FBLN7: variants seen among roughly 807,000 people sequenced by gnomAD.
The protein encoded by FBLN7 is fibulin-7.
A neutral mutation model predicts 44.0 loss-of-function variants in FBLN7; 31 were observed. That is an observed-to-expected ratio of 0.70 (90% CI 0.53 to 0.95). FBLN7 has a LOEUF of 0.95. FBLN7 is among the 40% of genes least tolerant of loss of function. FBLN7 has a pLI of 0.00. For missense variants in FBLN7, 573 were observed against 618.5 expected (o/e 0.93, Z 0.78); for synonymous variants, 262 against 253.4 (o/e 1.03, Z -0.32).
the FBLN7 span, among the ~76,000 whole-genome samples, chr2:112,232,248 G>A: frequency 3.8e-4 from 58 of 151,184 alleles, no homozygotes; most frequent in African/African-American, 1.3e-3. Flanking sequence ...CCTGGGAGGC[G>A]GAGGTTGCAG....
the FBLN7 span, among the ~76,000 whole-genome samples, chr2:112,237,451 C>T: frequency 2.0e-5 from 3 of 152,138 alleles, no homozygotes; most frequent in Non-Finnish European, 2.9e-5. Context: ...TATCCGTGCA[C>T]GCATTTATCC....
At chr2:112,199,506 C>T in the FBLN7 span, among the ~76,000 whole-genome samples, 1 of 152,182 alleles carries the variant, frequency 6.6e-6, no homozygotes, top group African/African-American at 2.4e-5. Context: ...CCCACTCACT[C>T]ACACAGCCAG....
intron 3 of FBLN7, among the ~76,000 whole-genome samples, chr2:112,165,950 A>G (rs1256011358): frequency 6.6e-6 from 1 of 152,278 alleles, no homozygotes; most frequent in East Asian, 1.9e-4. Flanking sequence ...ACATCTGCTG[A>G]GGCAGAATGT....
intron 1 of FBLN7, among the ~76,000 whole-genome samples, chr2:112,158,139 C>T (rs1261451145): frequency 2.6e-5 from 4 of 152,070 alleles, no homozygotes; most frequent in East Asian, 1.9e-4. Context: ...CCTTGTGATC[C>T]GCCCGCCTCG....
At chr2:112,168,367 T>C (rs1302272662) in intron 3 of FBLN7, among the ~76,000 whole-genome samples, 1 of 152,084 alleles carries the variant, frequency 6.6e-6, no homozygotes, top group African/African-American at 2.4e-5. Context: ...TAGATGGAGA[T>C]TTTTCTTCTC....
chr2:112,229,889 AG>A, the FBLN7 span, among the ~76,000 whole-genome samples: 1 of 152,178 alleles, frequency 6.6e-6, no homozygotes, highest in Admixed American at 6.5e-5. Context: ...ACACAAAAGT[AG>A]GCATAAACAA....
At chr2:112,181,910 G>A in intron 5 of FBLN7, 34 bp downstream of exon 5, 1 of 1,525,720 alleles carries the variant, frequency 6.6e-7, no homozygotes, top group Non-Finnish European at 8.8e-7. Context: ...ACTGGGGACA[G>A]CACGGGGAGG....
At chr2:112,237,426 TTTTA>T in the FBLN7 span, among the ~76,000 whole-genome samples, 2 of 152,156 alleles carry the variant, frequency 1.3e-5, no homozygotes, top group Non-Finnish European at 2.9e-5. Context: ...TAGATCAAGT[TTTTA>T]TTTATTTATC....
the FBLN7 span, chr2:112,230,735 G>A: frequency 2.6e-5 from 8 of 307,906 alleles, no homozygotes; most frequent in South Asian, 1.4e-4. Flanking sequence ...GAAGCAGGCT[G>A]ATGTAGATCC....
rs372228227 is a variant in FBLN7 at position 112,156,911 on chromosome 2, C to T, written c.76-2765C>T. 7.2e-4 allele frequency among the ~76,000 whole-genome samples: 110 copies of T among 152,188 alleles called. 1 individual carries two copies. Among genetic ancestry groups the T allele is most frequent in the African/African-American group, 2.6e-3 (107 of 41,530 alleles). On this transcript the variant is annotated intron_variant, in intron 1 of 7. Coordinates refer to ENST00000331203, the MANE Select transcript of FBLN7 (RefSeq NM_153214.3). ...AGCGGCAGTGGCTCCATTCCCACCGCGGTGGTGGTGGTGGTTGTGGTTGTG... is the reference window on the plus strand; with the variant it reads ...AGCGGCAGTGGCTCCATTCCCACCGTGGTGGTGGTGGTGGTTGTGGTTGTG...
At position 112,138,619 on chromosome 2, in the gene FBLN7, A is replaced by G. The variant is rs772680211; in HGVS notation, c.-37A>G. The G allele has an allele frequency of 1.2e-6, 2 of 1,608,902 alleles. No individual in the cohort carries two copies. The highest frequency in any genetic ancestry group is 1.7e-5 in the Admixed American group (1 of 59,838). On this transcript the variant is annotated 5_prime_UTR_variant, in exon 1 of 8. Coordinates refer to ENST00000331203, the MANE Select transcript of FBLN7 (RefSeq NM_153214.3). ...CAAACTCGGCAGCGGAGGCAAAGTT[A>G]TTTCCCCTCCCAGGCAGCGGGATTC...
At chr2:112,157,251 T>A (rs1681478861) in intron 1 of FBLN7, among the ~76,000 whole-genome samples, 1 of 151,878 alleles carries the variant, frequency 6.6e-6, no homozygotes, top group Non-Finnish European at 1.5e-5. Context: ...GCACCTGTAA[T>A]CCCAGCTACT....
chr2:112,221,110 C>T, the FBLN7 span, among the ~76,000 whole-genome samples: 1 of 152,168 alleles, frequency 6.6e-6, no homozygotes, highest in African/African-American at 2.4e-5. Flanking sequence ...TAGATTTGGT[C>T]TCTTTACATA....
At chr2:112,138,915 C>T (rs1680493806) in intron 1 of FBLN7, among the ~76,000 whole-genome samples, 185 bp downstream of exon 1, 1 of 130,118 alleles carries the variant, frequency 7.7e-6, no homozygotes, top group South Asian at 2.7e-4. Flanking sequence ...TCCCCTGTCC[C>T]GCGCGCCTCT....
At chr2:112,151,734 G>C (rs1681170895) in intron 1 of FBLN7, 1 of 152,228 alleles carries the variant, frequency 6.6e-6, no homozygotes, top group East Asian at 1.9e-4. Context: ...TGAGATGTGA[G>C]GAGAAGGCTC....
chr2:112,229,887 G>C, the FBLN7 span, among the ~76,000 whole-genome samples: 360 of 150,536 alleles, frequency 2.4e-3, 2 homozygotes, highest in South Asian at 0.011. Context: ...AAACACAAAA[G>C]TAGGCATAAA....
At chr2:112,197,274 CAGAGAGAG>C in the FBLN7 span, among the ~76,000 whole-genome samples, 404 of 98,636 alleles carry the variant, frequency 4.1e-3, no homozygotes, top group Middle Eastern at 6.0e-3. Flanking sequence ...CACACACACA[CAGAGAGAG>C]AGAGAGAGAG....
chr2:112,181,056 G>T, intron 4 of FBLN7, among the ~76,000 whole-genome samples: 1 of 152,064 alleles, frequency 6.6e-6, no homozygotes, highest in Non-Finnish European at 1.5e-5. Flanking sequence ...GGAGCTGGAG[G>T]CTACCATCCT....
the FBLN7 span, among the ~76,000 whole-genome samples, chr2:112,244,421 TA>T: frequency 3.3e-5 from 5 of 152,022 alleles, no homozygotes; most frequent in South Asian, 2.1e-4. Context: ...AAATGATACT[TA>T]AAAAAAATTA....
Sources: allele counts gnomAD v4.1 joint callset (sites outside exome capture counted in the v4.1 genomes callset), GRCh38; gene constraint gnomAD v4.1.1; transcripts MANE v1.5; gene names NCBI Gene and HGNC (gene_info 2026-07-23, HGNC 2026-07-21).